The following C2orf42 variants were observed in gnomAD, a reference collection of about 807,000 sequenced individuals.
The protein encoded by C2orf42 is chromosome 2 open reading frame 42, also known as uncharacterized protein C2orf42.
A neutral mutation model predicts 58.9 loss-of-function variants in C2orf42; 44 were observed. That is an observed-to-expected ratio of 0.75 (90% CI 0.59 to 0.96). C2orf42 has a LOEUF of 0.96. Among genes scored for constraint, C2orf42 ranks in the 40% least tolerant of loss-of-function variants. C2orf42 has a pLI of 0.00. For missense variants in C2orf42, 630 were observed against 699.2 expected, an observed-to-expected ratio of 0.90 and a Z score of 1.12; for synonymous variants, 239 against 265.4, an observed-to-expected ratio of 0.90 and a Z score of 0.97.
intron 9 of C2orf42, 48 bp downstream of exon 9, chr2:70,160,577 T>C (rs779218955): frequency 7.2e-7 from 1 of 1,395,628 alleles, no homozygotes; most frequent in Non-Finnish European, 1.0e-6. Flanking sequence ...TACTGTACTG[T>C]TCACCAGCTG....
intron 9 of C2orf42, among the ~76,000 whole-genome samples, chr2:70,151,022 C>T (rs538041518): frequency 6.6e-6 from 1 of 152,164 alleles, no homozygotes; most frequent in Admixed American, 6.5e-5. Context: ...GGATTACAGG[C>T]GTGAGCCACC....
chr2:70,176,397 A>C (rs1192851667), intron 4 of C2orf42, among the ~76,000 whole-genome samples: 1 of 151,854 alleles, frequency 6.6e-6, no homozygotes, highest in Non-Finnish European at 1.5e-5. Flanking sequence ...CCAGCTACTC[A>C]GGAGGCTGAG....
At chr2:70,151,001 C>T (rs1226152907) in intron 9 of C2orf42, among the ~76,000 whole-genome samples, 1 of 152,196 alleles carries the variant, frequency 6.6e-6, no homozygotes, top group Non-Finnish European at 1.5e-5. Context: ...ACCTCAGACT[C>T]CCAAGTGCTG....
intron 1 of C2orf42, among the ~76,000 whole-genome samples, chr2:70,187,260 T>C (rs1675005622): frequency 6.6e-6 from 1 of 152,196 alleles, no homozygotes. Context: ...CTTTTGTTGT[T>C]GTTGTTGACA....
In C2orf42 at chr2:70,175,785, A is replaced by T; in HGVS notation, c.935-8T>A. ...AACTGTTCATCTGTGCACCTAAACC[A>T]CAAATCATTACAGGTTTAACAATGT... is the stretch of plus-strand genomic sequence containing the variant. On this transcript the variant is annotated splice_region_variant and splice_polypyrimidine_tract_variant and intron_variant, in intron 4 of 9. Transcript: ENST00000264434. 6.8e-7 allele frequency: 1 copy of T among 1,478,144 alleles called. No individual in the cohort carries two copies. The allele number at this position is 1,478,144 out of a possible 1,614,324, so 91.6% of individuals were successfully genotyped here.
intron 1 of C2orf42, among the ~76,000 whole-genome samples, chr2:70,184,812 C>G (rs995504448): frequency 1.3e-5 from 2 of 149,280 alleles, no homozygotes; most frequent in African/African-American, 4.9e-5. Context: ...TGTTTTAGGC[C>G]GGGCGCAGTG....
At chr2:70,167,527 G>A (rs1673482934) in intron 6 of C2orf42, among the ~76,000 whole-genome samples, 1 of 152,028 alleles carries the variant, frequency 6.6e-6, no homozygotes, top group East Asian at 1.9e-4. Flanking sequence ...GATCACTTGA[G>A]GTCAGAAGTT....
intron 8 of C2orf42, among the ~76,000 whole-genome samples, chr2:70,163,602 C>T (rs546065009): frequency 1.3e-5 from 2 of 152,250 alleles, no homozygotes; most frequent in African/African-American, 2.4e-5. Flanking sequence ...GTAATCCATG[C>T]ACTTTGGGAA....
intron 5 of C2orf42, 113 bp downstream of exon 5, chr2:70,175,560 G>A (rs1052319806): frequency 6.7e-6 from 5 of 749,582 alleles, no homozygotes; most frequent in Non-Finnish European, 1.2e-5. Flanking sequence ...CAGTGCTTCT[G>A]TTAGTATTTA....
chr2:70,184,173 A>G (rs1245498958), intron 1 of C2orf42, among the ~76,000 whole-genome samples: 1 of 151,204 alleles, frequency 6.6e-6, no homozygotes. Context: ...GGACATTTTA[A>G]AACTATTCTT....
intron 1 of C2orf42, among the ~76,000 whole-genome samples, chr2:70,187,083 C>A (rs909006275): frequency 1.3e-4 from 19 of 151,704 alleles, no homozygotes; most frequent in Non-Finnish European, 2.4e-4. Flanking sequence ...TGCACATGTA[C>A]CCTAAAACTT....
At chr2:70,171,394 T>C (rs1486110857) in intron 5 of C2orf42, among the ~76,000 whole-genome samples, 1 of 152,230 alleles carries the variant, frequency 6.6e-6, no homozygotes, top group African/African-American at 2.4e-5. Flanking sequence ...ATGAACATAT[T>C]CTTTCATGCC....
chr2:70,175,064 A>G (rs181112304), intron 5 of C2orf42, among the ~76,000 whole-genome samples: 4 of 152,174 alleles, frequency 2.6e-5, no homozygotes, highest in Non-Finnish European at 5.9e-5. Flanking sequence ...TTATTTTTTT[A>G]AATTAAAAAA....
intron 9 of C2orf42, among the ~76,000 whole-genome samples, chr2:70,155,175 T>C (rs28517317): frequency 1.3e-5 from 2 of 151,230 alleles, no homozygotes; most frequent in East Asian, 2.0e-4. Context: ...ACCTGGGAGG[T>C]GGAGGTTGCA....
At chr2:70,152,300 T>C (rs1471649910) in intron 9 of C2orf42, among the ~76,000 whole-genome samples, 1 of 152,212 alleles carries the variant, frequency 6.6e-6, no homozygotes, top group Non-Finnish European at 1.5e-5. Context: ...AGAATATAAA[T>C]GTTAGGTATT....
chr2:70,187,343 C>T (rs572403819), intron 1 of C2orf42, among the ~76,000 whole-genome samples: 2 of 152,146 alleles, frequency 1.3e-5, no homozygotes, highest in East Asian at 1.9e-4. Context: ...CTCCGCCTCC[C>T]GGGTTCAAGT....
At chr2:70,182,965 G>C (rs59081580) in intron 1 of C2orf42, 30 bp from the exon 2 acceptor site, 1 of 152,078 alleles carries the variant, frequency 6.6e-6, no homozygotes, top group Non-Finnish European at 1.5e-5. Flanking sequence ...AAATATTAAA[G>C]TTATACAAAG....
chr2:70,163,112 C>A (rs987614819), intron 8 of C2orf42, among the ~76,000 whole-genome samples: 1 of 152,018 alleles, frequency 6.6e-6, no homozygotes, highest in Non-Finnish European at 1.5e-5. Flanking sequence ...AGGTGATCCA[C>A]CTGCCTTAGC....
At chr2:70,181,024 AAAAG>A in intron 3 of C2orf42, 135 bp downstream of exon 3, 12 of 492,800 alleles carry the variant, frequency 2.4e-5, no homozygotes, top group South Asian at 7.3e-5. Flanking sequence ...AAAAAAAAAA[AAAAG>A]AAGGAACACT....
Sources: gnomAD v4.1 joint callset for allele counts (sites outside exome capture counted in the v4.1 genomes callset) on GRCh38, gnomAD v4.1.1 for gene constraint, MANE v1.5 for transcripts, NCBI Gene and HGNC (gene_info 2026-07-23, HGNC 2026-07-21) for gene names.